Variants in PKIG observed in about 807,000 individuals in gnomAD.
PKIG encodes the protein protein kinase (cAMP-dependent, catalytic) inhibitor gamma.
A neutral mutation model predicts 6.8 loss-of-function variants in PKIG; 1 was observed. The ratio of observed to expected loss-of-function variants is 0.15; its 90% CI spans 0.05 to 0.69. The LOEUF is 0.69. Among genes scored for constraint, PKIG ranks in the 30% least tolerant of loss-of-function variants. The pLI, the probability that PKIG is intolerant of heterozygous loss-of-function variation, is 0.82. For missense variants in PKIG, 77 were observed against 104.0 expected, an observed-to-expected ratio of 0.74 and a Z score of 1.13; for synonymous variants, 39 against 43.0, an observed-to-expected ratio of 0.91 and a Z score of 0.36.
At chr20:44,579,271 A>G (rs1392289692), upstream of PKIG, among the ~76,000 whole-genome samples, 1 of 152,256 alleles carries the variant, frequency 6.6e-6, no homozygotes, top group Non-Finnish European at 1.5e-5. Flanking sequence ...GGAAATTCAG[A>G]GGAAGGAGAG....
intron 2 of PKIG, among the ~76,000 whole-genome samples, chr20:44,613,917 C>T (rs571855702): frequency 9.8e-5 from 15 of 152,314 alleles, no homozygotes; most frequent in African/African-American, 3.4e-4. Context: ...GCCATGCTCC[C>T]GCCTGCTGGC....
chr20:44,561,609 A>T (rs532592493), intron 1 of PKIG, among the ~76,000 whole-genome samples: 8 of 151,454 alleles, frequency 5.3e-5, no homozygotes, highest in Middle Eastern at 3.4e-3. Flanking sequence ...ATATGCATTT[A>T]AAAAAATTTT....
At chr20:44,589,092 G>A (rs1430418691) in intron 1 of PKIG, among the ~76,000 whole-genome samples, 1 of 151,886 alleles carries the variant, frequency 6.6e-6, no homozygotes, top group Non-Finnish European at 1.5e-5. Context: ...ACTGAAAATT[G>A]TTTAAAGTGT....
chr20:44,606,129 G>C (rs1287011838), intron 2 of PKIG, among the ~76,000 whole-genome samples: 1 of 152,114 alleles, frequency 6.6e-6, no homozygotes, highest in Non-Finnish European at 1.5e-5. Context: ...TTAGACAAAA[G>C]ACTAATTGCC....
At chr20:44,599,921 T>C (rs924459382) in intron 2 of PKIG, among the ~76,000 whole-genome samples, 1 of 152,110 alleles carries the variant, frequency 6.6e-6, no homozygotes. Flanking sequence ...CCACACCACA[T>C]TACCCTCCGG....
intron 1 of PKIG, among the ~76,000 whole-genome samples, chr20:44,548,492 A>G (rs979892494): frequency 2.6e-5 from 4 of 152,218 alleles, no homozygotes; most frequent in Non-Finnish European, 4.4e-5. Flanking sequence ...TACTTTATGT[A>G]GCTTGTCCAT....
At chr20:44,608,812 A>AT (rs2065189321) in intron 2 of PKIG, among the ~76,000 whole-genome samples, 2 of 58,914 alleles carry the variant, frequency 3.4e-5, no homozygotes, top group African/African-American at 1.3e-4. Flanking sequence ...AAAAAAAAAA[A>AT]AAAATACTAT....
chr20:44,593,055 A>C (rs1047454555), intron 2 of PKIG, among the ~76,000 whole-genome samples: 3 of 152,096 alleles, frequency 2.0e-5, no homozygotes, highest in African/African-American at 7.2e-5. Flanking sequence ...CAAATATTAT[A>C]GGCTGGACAT....
intron 2 of PKIG, among the ~76,000 whole-genome samples, chr20:44,599,358 TTC>T (rs1432394995): frequency 6.6e-6 from 1 of 152,196 alleles, no homozygotes; most frequent in Non-Finnish European, 1.5e-5. Context: ...TAATGATACT[TTC>T]TGTCATAGAG....
At chr20:44,607,337 G>C (rs1261701866) in intron 2 of PKIG, among the ~76,000 whole-genome samples, 2 of 147,498 alleles carry the variant, frequency 1.4e-5, no homozygotes, top group Non-Finnish European at 3.0e-5. Flanking sequence ...GTGTGTTTGT[G>C]TGTGTATATG....
intron 2 of PKIG, among the ~76,000 whole-genome samples, chr20:44,598,014 A>T (rs1424955579): frequency 6.6e-6 from 1 of 152,258 alleles, no homozygotes; most frequent in Non-Finnish European, 1.5e-5. Flanking sequence ...ATTTGGGAAC[A>T]GCTTGGCTGG....
chr20:44,556,917 A>G (rs1355700277), intron 1 of PKIG, among the ~76,000 whole-genome samples: 1 of 152,152 alleles, frequency 6.6e-6, no homozygotes, highest in African/African-American at 2.4e-5. Context: ...TGATAGTGGA[A>G]TAAAAGTCTC....
chr20:44,587,490 C>T (rs996134709), intron 1 of PKIG, among the ~76,000 whole-genome samples: 3 of 152,176 alleles, frequency 2.0e-5, no homozygotes, highest in Admixed American at 6.5e-5. Context: ...CCTGAGAGGG[C>T]CCTGAATCTG....
chr20:44,604,717 C>A (rs2065149378), intron 2 of PKIG, among the ~76,000 whole-genome samples: 1 of 152,174 alleles, frequency 6.6e-6, no homozygotes, highest in Admixed American at 6.5e-5. Context: ...TGCAATAATT[C>A]ATCATTCATT....
intron 1 of PKIG, among the ~76,000 whole-genome samples, chr20:44,588,797 G>A (rs1406177918): frequency 6.6e-6 from 1 of 152,134 alleles, no homozygotes; most frequent in Non-Finnish European, 1.5e-5. Context: ...GAATATTCTT[G>A]GGGTCTGTGA....
chr20:44,535,961 C>G (rs2064508560), intron 1 of PKIG, among the ~76,000 whole-genome samples: 1 of 152,180 alleles, frequency 6.6e-6, no homozygotes, highest in Non-Finnish European at 1.5e-5. Context: ...GTTTAGCTCC[C>G]CATTTCCGCC....
intron 2 of PKIG, among the ~76,000 whole-genome samples, chr20:44,605,273 T>C (rs1016513574): frequency 6.6e-6 from 1 of 151,812 alleles, no homozygotes; most frequent in African/African-American, 2.4e-5. Flanking sequence ...CCGGGTGTGG[T>C]AGCAGGCGCC....
At chr20:44,542,639 T>C (rs2064572572) in intron 1 of PKIG, among the ~76,000 whole-genome samples, 1 of 152,090 alleles carries the variant, frequency 6.6e-6, no homozygotes. Context: ...CAGGCTGGAG[T>C]GCAGTGGCGT....
Position 44,613,591 on chromosome 20 carries a change from C to T in PKIG, c.-23-943C>T, listed in dbSNP as rs1049010955. Among the ~76,000 whole-genome samples, 5 of 152,178 alleles carry T rather than the reference C, an allele frequency of 3.3e-5. No homozygotes were observed. The South Asian group carries it at 6.2e-4, about 19-fold the overall frequency. On this transcript the variant is annotated intron_variant, in intron 2 of 3. Transcript: ENST00000372886. Reference sequence around the variant, plus strand: ...ATATGTCAGCAAACCACACTTCTGTCCACCTACTTATTCACACCAGAAACC... The same window carrying T: ...ATATGTCAGCAAACCACACTTCTGTTCACCTACTTATTCACACCAGAAACC...
Sources: gnomAD v4.1 joint callset for allele counts (sites outside exome capture counted in the v4.1 genomes callset) on GRCh38, gnomAD v4.1.1 for gene constraint, MANE v1.5 for transcripts, NCBI Gene and HGNC (gene_info 2026-07-23, HGNC 2026-07-21) for gene names.